The following PDE7B variants were observed in gnomAD, a reference collection of about 807,000 sequenced individuals.
PDE7B encodes 3',5'-cyclic-AMP phosphodiesterase 7B.
A neutral mutation model predicts 56.2 loss-of-function variants in PDE7B; 29 were observed. The observed-to-expected ratio is 0.52, with a 90% CI of 0.38 to 0.70. The LOEUF (loss-of-function observed/expected upper bound fraction) is 0.70, where lower values mean the gene tolerates loss of function less well. Among genes scored for constraint, PDE7B ranks in the 30% least tolerant of loss-of-function variants. The pLI is 0.00. For synonymous variants in PDE7B, 197 were observed against 196.9 expected (o/e 1.00, Z 0.00); for missense variants, 490 against 565.0 (o/e 0.87, Z 1.35).
intron 1 of PDE7B, among the ~76,000 whole-genome samples, chr6:135,885,997 C>A (rs754541066): frequency 3.9e-5 from 6 of 152,144 alleles, no homozygotes; most frequent in Non-Finnish European, 7.4e-5. Flanking sequence ...CAGCTTTGAG[C>A]AAAACGTACA....
At chr6:135,997,413 CAAAAAAAAAAAAAAAAAAA>C (rs59388049) in intron 2 of PDE7B, among the ~76,000 whole-genome samples, 97 of 10,712 alleles carry the variant, frequency 9.1e-3, no homozygotes, top group South Asian at 0.045. Flanking sequence ...GACCCTGTCT[CAAAAAAAAAAAAAAAAAAA>C]AAAAAAAAAA....
In PDE7B at chr6:136,128,239, G is replaced by A. The variant is rs371347208; in HGVS notation, c.167-19112G>A. ...GCCCTATTCAATTTACCAGAGTGAT[G>A]CTTTGACATCATTCCCCTTAACAGA... On this transcript the variant is annotated intron_variant, in intron 3 of 12. Transcript: ENST00000308191. Among the ~76,000 whole-genome samples the A allele has an allele frequency of 4.9e-4, 74 of 152,298 alleles. 1 individual carries two copies. The Middle Eastern group carries it at 0.01, about 21-fold the overall frequency.
intron 2 of PDE7B, among the ~76,000 whole-genome samples, chr6:136,105,634 A>G (rs796900589): frequency 4.6e-5 from 7 of 152,332 alleles, no homozygotes; most frequent in African/African-American, 1.7e-4. Context: ...CAACTCTGTG[A>G]TGTAGATAAA....
At chr6:136,010,308 G>T (rs536835967) in intron 2 of PDE7B, among the ~76,000 whole-genome samples, 1 of 151,420 alleles carries the variant, frequency 6.6e-6, no homozygotes, top group East Asian at 1.9e-4. Context: ...CCAATACTTC[G>T]AAACAATCTA....
chr6:136,015,621 T>A (rs1775965966), intron 2 of PDE7B, among the ~76,000 whole-genome samples: 1 of 152,182 alleles, frequency 6.6e-6, no homozygotes, highest in African/African-American at 2.4e-5. Flanking sequence ...GGGGAAATTG[T>A]CAACTATGAA....
At chr6:135,899,353 A>T (rs925055084) in intron 1 of PDE7B, among the ~76,000 whole-genome samples, 1 of 151,622 alleles carries the variant, frequency 6.6e-6, no homozygotes, top group Non-Finnish European at 1.5e-5. Context: ...ATCTGTGTGT[A>T]TTTATGTATA....
chr6:135,898,548 A>G (rs967850248), intron 1 of PDE7B, among the ~76,000 whole-genome samples: 23 of 152,190 alleles, frequency 1.5e-4, no homozygotes, highest in Non-Finnish European at 2.9e-4. Flanking sequence ...AATATCTCAT[A>G]ATTCTACCAC....
At chr6:136,155,240 TCATGTGACCAA>T (rs1353816285) in intron 7 of PDE7B, among the ~76,000 whole-genome samples, 4 of 152,212 alleles carry the variant, frequency 2.6e-5, no homozygotes, top group Non-Finnish European at 5.9e-5. Context: ...AGTAGGTCCA[TCATGTGACCAA>T]CTTTTTTCTT....
intron 3 of PDE7B, among the ~76,000 whole-genome samples, chr6:136,109,705 A>T (rs1583886111): frequency 6.6e-6 from 1 of 152,100 alleles, no homozygotes; most frequent in East Asian, 1.9e-4. Flanking sequence ...TTGGTCCACA[A>T]TTTTCTTAAT....
At chr6:136,053,809 G>C (rs1177488654) in intron 2 of PDE7B, among the ~76,000 whole-genome samples, 3 of 152,274 alleles carry the variant, frequency 2.0e-5, no homozygotes, top group African/African-American at 7.2e-5. Context: ...CTGATGGCCA[G>C]TGATGATGAG....
chr6:136,185,097 G>T (rs1779123817), intron 11 of PDE7B, among the ~76,000 whole-genome samples: 1 of 152,116 alleles, frequency 6.6e-6, no homozygotes, highest in African/African-American at 2.4e-5. Context: ...TGGTGTTCTG[G>T]CCTGCCCTCA....
intron 2 of PDE7B, among the ~76,000 whole-genome samples, chr6:136,039,934 C>G (rs1776387341): frequency 6.6e-6 from 1 of 152,168 alleles, no homozygotes; most frequent in African/African-American, 2.4e-5. Context: ...AAACTGCACC[C>G]TTTGATAAAA....
intron 1 of PDE7B, among the ~76,000 whole-genome samples, chr6:135,904,562 T>C (rs1040833834): frequency 1.3e-5 from 2 of 152,216 alleles, no homozygotes; most frequent in Non-Finnish European, 2.9e-5. Flanking sequence ...CAACTGTCAA[T>C]CAAGGGGGTC....
At position 135,905,397 on chromosome 6, in the gene PDE7B, TTGA is replaced by T. The variant is rs1453079174; in HGVS notation, c.22-42065_22-42063del. ...GTGTGTGTGAATACATTTTTAATGG[TTGA>T]TAAGAAAATTGAGCAGGAGGGAAGT... On this transcript the variant is annotated intron_variant, in intron 1 of 12. Transcript: ENST00000308191. Among the ~76,000 whole-genome samples the T allele has an allele frequency of 5.0e-4, 76 of 151,498 alleles. 1 individual carries two copies. Among genetic ancestry groups the T allele is most frequent in the African/African-American group, 1.6e-3 (65 of 41,300 alleles).
chr6:136,002,973 T>G (rs1346759497), intron 2 of PDE7B, among the ~76,000 whole-genome samples: 1 of 151,746 alleles, frequency 6.6e-6, no homozygotes, highest in Admixed American at 6.6e-5. Context: ...TCAGCAAATG[T>G]AAAAGAACAG....
At chr6:136,162,947 C>T (rs1380192372) in intron 8 of PDE7B, among the ~76,000 whole-genome samples, 1 of 152,228 alleles carries the variant, frequency 6.6e-6, no homozygotes, top group Non-Finnish European at 1.5e-5. Context: ...ATTCCTGTGG[C>T]CTTGCAGGGT....
In PDE7B at chr6:136,191,808, G is replaced by C; in HGVS notation, c.1321G>C (p.Glu441Gln). Residue 441 changes from glutamate (E) to glutamine (Q), a missense_variant, in exon 13 of 13, where the codon GAG (glutamate) becomes CAG (glutamine). Transcript: ENST00000308191. ...CCACGACCACGCAGGCCAAGGGACT[G>C]AGAGCGAGGAGCAGGAAGGCGACAG... is the stretch of plus-strand genomic sequence containing the variant. The part of the protein sequence containing the change: ...PDHDHAGQGT[E>Q]SEEQEGDSP 2 of 1,556,588 alleles carry C rather than the reference G, an allele frequency of 1.3e-6. No individual in the cohort carries two copies. The highest frequency in any genetic ancestry group is 1.7e-6 in the Non-Finnish European group (2 of 1,150,672).
intron 2 of PDE7B, among the ~76,000 whole-genome samples, chr6:135,998,332 T>C (rs1324022020): frequency 6.6e-6 from 1 of 152,242 alleles, no homozygotes; most frequent in East Asian, 1.9e-4. Context: ...TTCGCCTTGG[T>C]TCCTGTCGAC....
chr6:136,004,209 A>G (rs1775731001), intron 2 of PDE7B, among the ~76,000 whole-genome samples: 3 of 152,226 alleles, frequency 2.0e-5, no homozygotes, highest in Non-Finnish European at 4.4e-5. Flanking sequence ...ATCTCAAAAT[A>G]GTAAGAGCTA....
Sources: allele counts gnomAD v4.1 joint callset (sites outside exome capture counted in the v4.1 genomes callset), GRCh38; gene constraint gnomAD v4.1.1; transcripts MANE v1.5; gene names NCBI Gene and HGNC (gene_info 2026-07-23, HGNC 2026-07-21).